The following DEF6 variants were observed in gnomAD, a reference collection of about 807,000 sequenced individuals.
DEF6 encodes the protein differentially expressed in FDCP 6 homolog.
In DEF6, 32 loss-of-function variants were observed where a neutral mutation model predicts 80.5. The ratio of observed to expected loss-of-function variants is 0.40; its 90% CI spans 0.30 to 0.53. DEF6 has a LOEUF of 0.53. DEF6 is among the 20% of genes least tolerant of loss of function. The probability of loss-of-function intolerance (pLI) is 0.57; values close to 1 mark genes in which losing one functional copy is unlikely to be tolerated. For missense variants in DEF6, 575 were observed against 818.7 expected (o/e 0.70, Z 3.63); for synonymous variants, 300 against 337.9 (o/e 0.89, Z 1.23).
chr6:35,308,785 C>T (rs2150386534), intron 1 of DEF6, among the ~76,000 whole-genome samples: 1 of 148,622 alleles, frequency 6.7e-6, no homozygotes, highest in South Asian at 2.2e-4. Context: ...TTAAATAAAC[C>T]ACCTCCTACA....
intron 3 of DEF6, 129 bp downstream of exon 3, chr6:35,310,773 G>A: frequency 1.0e-6 from 1 of 993,462 alleles, no homozygotes; most frequent in African/African-American, 1.6e-5. Context: ...TCCCATGCTG[G>A]TATCTGTCCT....
chr6:35,301,837 C>T (rs766332854), intron 1 of DEF6, among the ~76,000 whole-genome samples: 1 of 150,464 alleles, frequency 6.6e-6, no homozygotes, highest in African/African-American at 2.4e-5. Flanking sequence ...AGTGATTCTC[C>T]TGCCTCAGCC....
intron 3 of DEF6, among the ~76,000 whole-genome samples, chr6:35,311,117 A>G (rs774485594): frequency 1.3e-5 from 2 of 152,078 alleles, no homozygotes; most frequent in Non-Finnish European, 2.9e-5. Flanking sequence ...GCCAGGACAA[A>G]CTCAGCTAAG....
chr6:35,318,501 G>A lies in DEF6; in HGVS notation c.1215+30G>A. 7.3e-7 allele frequency: 1 copy of A among 1,369,988 alleles called. No homozygotes were observed. Among genetic ancestry groups the A allele is most frequent in the Non-Finnish European group, 9.3e-7 (1 of 1,070,288 alleles). 84.9% of individuals were successfully genotyped at this position (1,369,988 alleles called of 1,614,324 possible). A position where few individuals can be genotyped will look rare whatever the true frequency, so the allele number is the denominator to read the frequency against. On this transcript the variant is annotated intron_variant, in intron 7 of 10. Transcript: ENST00000316637. This position sits in a 1 kb window ranked among gnomAD's most constrained non-coding sequence, Gnocchi z 5.1. ...GGTTAGCTCCCGGCGCCGGGGACGG[G>A]ACCGGTGGGCTGGGAGGCTGGCCAG...
rs576861966 is a variant in DEF6 at position 35,303,178 on chromosome 6, A to G, written c.96+5226A>G. On this transcript the variant is annotated intron_variant, in intron 1 of 10. Transcript: ENST00000316637. ...CTTCCTTGTCCTACTATCTGACAGCACGCGGGGGTCAGAGTCTCTGCCCTG... is the reference window on the plus strand; with the variant it reads ...CTTCCTTGTCCTACTATCTGACAGCGCGCGGGGGTCAGAGTCTCTGCCCTG... Among the ~76,000 whole-genome samples, 4 of 152,266 alleles carry G rather than the reference A, an allele frequency of 2.6e-5. No individual in the cohort carries two copies. The South Asian group carries it at 8.3e-4, about 32-fold the overall frequency.
In DEF6 at chr6:35,318,250, C is replaced by G. The variant is rs1354569407; in HGVS notation, c.994C>G (p.Gln332Glu). ...HKDLKQKRRE[Q>E]REQRERRRAA... ...GGACCTGAAGCAGAAACGGCGCGAG[C>G]AGCGGGAGCAGCGGGAGCGGCGCCG... The change falls in exon 7 of 11, where the codon CAG becomes GAG. Residue 332 changes from glutamine (Q) to glutamate (E), a missense_variant. Physicochemically the swap from Gln to Glu is conservative, Grantham distance 29. Transcript: ENST00000316637. The surrounding 1 kb of genome is among the most constrained non-coding windows in gnomAD (Gnocchi z 5.1). 6.3e-7 allele frequency: 1 copy of G among 1,579,688 alleles called. No individual in the cohort carries two copies. The highest frequency in any genetic ancestry group is 8.6e-7 in the Non-Finnish European group (1 of 1,164,600).
At chr6:35,314,134 G>A (rs9380502) in intron 5 of DEF6, among the ~76,000 whole-genome samples, 6,413 of 152,146 alleles carry the variant, frequency 0.042, 376 homozygotes, top group East Asian at 0.3. Context: ...TTGGCCAGGC[G>A]CAGTGGCTCA....
Position 35,318,834 on chromosome 6 carries a change from G to A in DEF6, c.1215+363G>A, listed in dbSNP as rs1029185426. On this transcript the variant is annotated intron_variant, in intron 7 of 10. Transcript: ENST00000316637. The surrounding 1 kb of genome is among the most constrained non-coding windows in gnomAD (Gnocchi z 5.1). ...ACTGGACCAAGTTTGGACTAGACTT[G>A]AACTAAGTTTACAGTGAAACCAGTT... 2.0e-5 allele frequency among the ~76,000 whole-genome samples: 3 copies of A among 152,164 alleles called. No individual in the cohort carries two copies. Among genetic ancestry groups the A allele is most frequent in the Non-Finnish European group, 4.4e-5 (3 of 68,024 alleles).
At chr6:35,303,424 G>A (rs984591360) in intron 1 of DEF6, among the ~76,000 whole-genome samples, 1 of 152,160 alleles carries the variant, frequency 6.6e-6, no homozygotes, top group South Asian at 2.1e-4. Flanking sequence ...GTCAATCTCT[G>A]TCTGGCTTTT....
At chr6:35,306,497 G>A (rs1445385148) in intron 1 of DEF6, among the ~76,000 whole-genome samples, 1 of 150,792 alleles carries the variant, frequency 6.6e-6, no homozygotes, top group African/African-American at 2.4e-5. Flanking sequence ...GGCAACAAGA[G>A]TGAAATTCTG....
intron 1 of DEF6, among the ~76,000 whole-genome samples, chr6:35,307,549 C>G (rs1488884871): frequency 6.6e-6 from 1 of 152,168 alleles, no homozygotes; most frequent in Non-Finnish European, 1.5e-5. Context: ...AAGTGCTAGG[C>G]ATTGAGCCAG....
Position 35,319,786 on chromosome 6 carries a change from C to G in DEF6, c.1383-33C>G, listed in dbSNP as rs1190746848. On this transcript the variant is annotated intron_variant, in intron 8 of 10. Coordinates refer to ENST00000316637, the MANE Select transcript of DEF6 (RefSeq NM_022047.4). The surrounding 1 kb of genome is among the most constrained non-coding windows in gnomAD (Gnocchi z 4.5). ...TGTGCACCTGCAAGGTGCCTTGGCA[C>G]TAGAGGCTACACAGTACACACTCAC... The G allele has an allele frequency of 1.2e-6, 2 of 1,608,082 alleles. No homozygotes were observed. The highest frequency in any genetic ancestry group is 1.3e-5 in the African/African-American group (1 of 74,762).
intron 3 of DEF6, among the ~76,000 whole-genome samples, chr6:35,311,808 A>G (rs1373498993): frequency 6.6e-6 from 1 of 152,176 alleles, no homozygotes; most frequent in Admixed American, 6.5e-5. Flanking sequence ...CACAAGGGAA[A>G]GATCCCCAGG....
intron 5 of DEF6, chr6:35,317,614 T>G (rs572138490): frequency 3.1e-6 from 1 of 325,054 alleles, no homozygotes; most frequent in African/African-American, 2.2e-5. Context: ...TCAAGCGTGA[T>G]CTGCATAAAC....
At chr6:35,307,469 A>C (rs895680917) in intron 1 of DEF6, among the ~76,000 whole-genome samples, 2 of 152,234 alleles carry the variant, frequency 1.3e-5, no homozygotes, top group African/African-American at 4.8e-5. Context: ...ATAAAACTTG[A>C]ACACTTGTCA....
intron 1 of DEF6, among the ~76,000 whole-genome samples, chr6:35,298,776 G>T (rs1300132513): frequency 6.6e-6 from 1 of 152,140 alleles, no homozygotes; most frequent in Non-Finnish European, 1.5e-5. Context: ...AGCGAACACT[G>T]GGGGAAAGGA....
At chr6:35,309,925 G>T in intron 2 of DEF6, 115 bp downstream of exon 2, 3 of 1,268,616 alleles carry the variant, frequency 2.4e-6, no homozygotes, top group Non-Finnish European at 3.3e-6. Context: ...TCCTACTTCT[G>T]CCTGCTCTGT....
chr6:35,309,783 C>T lies in DEF6; in HGVS notation c.210C>T (p.Pro70=). Residue 70 remains proline (P), a synonymous_variant, in exon 2 of 11, where the codon CCC becomes CCT. Transcript: ENST00000316637. The stretch of plus-strand genomic sequence containing the variant: ...CTGTGTCCAGCCAGGGATACATGCC[C>T]TACCTCAACAAGTACATCCTGGACA... ...DGPVSSQGYM[P]YLNKYILDKV... 1 of 1,614,100 alleles carries T rather than the reference C, an allele frequency of 6.2e-7. No homozygotes were observed. Among genetic ancestry groups the T allele is most frequent in the Non-Finnish European group, 8.5e-7 (1 of 1,180,016 alleles).
Position 35,307,455 on chromosome 6 carries a change from A to G in DEF6, c.97-2215A>G, listed in dbSNP as rs140179713. 2.2e-4 allele frequency among the ~76,000 whole-genome samples: 34 copies of G among 152,362 alleles called. No individual in the cohort carries two copies. The East Asian group carries it at 6.4e-3, about 29-fold the overall frequency. On this transcript the variant is annotated intron_variant, in intron 1 of 10. Coordinates refer to ENST00000316637, the MANE Select transcript of DEF6 (RefSeq NM_022047.4). ...AGAGGCCAAGAGACAGCAGATGAGA[A>G]TATATAAAACTTGAACACTTGTCAC...
Sources: gnomAD v4.1 joint callset for allele counts (sites outside exome capture counted in the v4.1 genomes callset) on GRCh38, gnomAD v4.1.1 for gene constraint, Gnocchi (gnomAD v3.1) non-coding constraint, MANE v1.5 for transcripts, NCBI Gene and HGNC (gene_info 2026-07-23, HGNC 2026-07-21) for gene names.